SLC6A18: variants seen among roughly 807,000 people sequenced by gnomAD.
The protein encoded by SLC6A18 is solute carrier family 6 member 18.
Under a neutral mutation model 62.9 loss-of-function variants are expected in SLC6A18, and 58 were observed. That is an observed-to-expected ratio of 0.92 (90% CI 0.75 to 1.15). The LOEUF is 1.15. Among genes scored for constraint, SLC6A18 ranks in the 50% most tolerant of loss-of-function variants. The probability of loss-of-function intolerance (pLI) is 0.00; values close to 1 mark genes in which losing one functional copy is unlikely to be tolerated. For synonymous variants in SLC6A18, 382 were observed against 365.8 expected (o/e 1.04, Z -0.51); for missense variants, 793 against 836.6 (o/e 0.95, Z 0.64).
intron 11 of SLC6A18, 64 bp downstream of exon 11, chr5:1,244,831 G>A (rs1039635705): frequency 1.6e-5 from 24 of 1,505,742 alleles, no homozygotes; most frequent in South Asian, 7.8e-5. Context: ...TGGCCCCTAC[G>A]GTGCCATCCG....
intron 3 of SLC6A18, among the ~76,000 whole-genome samples, chr5:1,233,994 G>A (rs912156192): frequency 2.6e-5 from 4 of 152,138 alleles, no homozygotes; most frequent in East Asian, 1.9e-4. Flanking sequence ...GCCTGCCTCG[G>A]CCTCCCAAAG....
At position 1,243,475 on chromosome 5, in the gene SLC6A18, G is replaced by T; in HGVS notation, c.1132-80G>T. 6.7e-7 allele frequency: 1 copy of T among 1,495,120 alleles called. No individual in the cohort carries two copies. Among genetic ancestry groups the T allele is most frequent in the Non-Finnish European group, 9.2e-7 (1 of 1,091,376 alleles). 92.6% of individuals were successfully genotyped at this position (1,495,120 alleles called of 1,614,324 possible). Reference sequence around the variant, plus strand: ...ACTCGTGTCCTCGGCCTGGGAGAGTGTGTGTCCTGCAGGCAGGCGTGTGTG... The same window carrying T: ...ACTCGTGTCCTCGGCCTGGGAGAGTTTGTGTCCTGCAGGCAGGCGTGTGTG... On this transcript the variant is annotated intron_variant, in intron 8 of 11. Transcript: ENST00000324642. This position sits in a 1 kb window ranked among gnomAD's most constrained non-coding sequence, Gnocchi z 6.5.
chr5:1,234,191 G>A (rs998119544), intron 3 of SLC6A18, among the ~76,000 whole-genome samples: 96 of 152,168 alleles, frequency 6.3e-4, no homozygotes, highest in African/African-American at 2.1e-3. Flanking sequence ...ACTGACAGTC[G>A]TATCTTTCAA....
intron 6 of SLC6A18, among the ~76,000 whole-genome samples, chr5:1,239,827 A>C (rs1262389282): frequency 1.3e-5 from 2 of 152,220 alleles, no homozygotes; most frequent in Admixed American, 6.5e-5. Flanking sequence ...TGGGGCCATA[A>C]AAGCCTCAAT....
At chr5:1,242,361 G>A (rs552314776) in intron 7 of SLC6A18, among the ~76,000 whole-genome samples, 8 of 151,776 alleles carry the variant, frequency 5.3e-5, no homozygotes, top group African/African-American at 1.9e-4. Flanking sequence ...GGCAGGAGGC[G>A]TCCACACGAT....
chr5:1,240,488 T>C, intron 6 of SLC6A18, 43 bp from the exon 7 acceptor site: 1 of 1,610,352 alleles, frequency 6.2e-7, no homozygotes, highest in South Asian at 1.1e-5. Context: ...TGAGGCCCAG[T>C]TACCTCCTGC....
chr5:1,227,133 G>A lies in SLC6A18; in HGVS notation c.160+1496G>A, dbSNP rs1208429028. On this transcript the variant is annotated intron_variant, in intron 1 of 11. Transcript: ENST00000324642. ...GCCCGCCGACGCCTTGCCCGTCGATGCCTTGCCCGCCGATGACTTGCCCGC... is the reference window on the plus strand; with the variant it reads ...GCCCGCCGACGCCTTGCCCGTCGATACCTTGCCCGCCGATGACTTGCCCGC... Among the ~76,000 whole-genome samples, 7 of 150,230 alleles carry A rather than the reference G, an allele frequency of 4.7e-5. No individual in the cohort carries two copies. In the East Asian group the frequency reaches 1.2e-3, roughly 25 times the overall value.
chr5:1,239,640 CTG>C, intron 6 of SLC6A18, 78 bp downstream of exon 6: 1 of 1,131,596 alleles, frequency 8.8e-7, no homozygotes, highest in South Asian at 1.3e-5. Context: ...CAGGATCACA[CTG>C]TGGATCCAAG....
At chr5:1,226,956 A>AACGCCTTGCCCACCG (rs199538820) in intron 1 of SLC6A18, among the ~76,000 whole-genome samples, 4 of 109,686 alleles carry the variant, frequency 3.6e-5, no homozygotes, top group East Asian at 2.4e-4. Flanking sequence ...TGCCTTGCCC[A>AACGCCTTGCCCACCG]ACGCCTTGCC....
chr5:1,242,786 C>T lies in SLC6A18; in HGVS notation c.1054C>T (p.His352Tyr). The T allele has an allele frequency of 6.2e-7, 1 of 1,614,048 alleles. No individual in the cohort carries two copies. Among genetic ancestry groups the T allele is most frequent in the South Asian group, 1.1e-5 (1 of 91,060 alleles). Residue 352 changes from histidine (H) to tyrosine (Y), a missense_variant, in exon 8 of 12, where the codon CAC (histidine) becomes TAC (tyrosine). His to Tyr is a moderately conservative substitution (Grantham distance 83). Coordinates refer to ENST00000324642, the MANE Select transcript of SLC6A18 (RefSeq NM_182632.3). ...SRDDYPAVLM[H>Y]LNATWPKRVA... ...GGACGACTACCCAGCCGTCCTCATG[C>T]ACCTGAACGCCACCTGGCCCAAGAG...
At chr5:1,234,396 G>A (rs1166250871) in intron 3 of SLC6A18, among the ~76,000 whole-genome samples, 2 of 152,174 alleles carry the variant, frequency 1.3e-5, no homozygotes, top group Non-Finnish European at 2.9e-5. Flanking sequence ...ACCTCTCTGA[G>A]GGTGGGTGGT....
chr5:1,244,944 CTTTGTGCAGCG>C (rs899783293), intron 11 of SLC6A18, among the ~76,000 whole-genome samples, 177 bp downstream of exon 11: 1 of 67,790 alleles, frequency 1.5e-5, no homozygotes, highest in African/African-American at 1.1e-4. Flanking sequence ...ACAGGATGGG[CTTTGTGCAGCG>C]CCCGAGTGCC....
At chr5:1,235,719 T>A (rs144921488) in intron 4 of SLC6A18, 57 bp downstream of exon 4, 1 of 1,571,372 alleles carries the variant, frequency 6.4e-7, no homozygotes, top group Non-Finnish European at 8.7e-7. Context: ...CCAAGACCCC[T>A]CCCCATTGAC....
chr5:1,238,380 G>GAGGA (rs1561178820), intron 5 of SLC6A18, among the ~76,000 whole-genome samples: 28 of 112,928 alleles, frequency 2.5e-4, no homozygotes, highest in African/African-American at 6.6e-4. Context: ...TGGGCCTGGG[G>GAGGA]CCTCAGGAAA....
chr5:1,235,761 G>A (rs1259537280), intron 4 of SLC6A18, 99 bp downstream of exon 4: 19 of 1,245,712 alleles, frequency 1.5e-5, no homozygotes, highest in Non-Finnish European at 2.0e-5. Context: ...AAGCTCTTGC[G>A]AGGGGCATAA....
intron 10 of SLC6A18, 81 bp downstream of exon 10, chr5:1,244,454 C>G: frequency 6.3e-7 from 1 of 1,577,570 alleles, no homozygotes; most frequent in Non-Finnish European, 8.6e-7. Flanking sequence ...AGGTTCAACC[C>G]GCAGCTGCCC....
intron 11 of SLC6A18, 81 bp from the exon 12 acceptor site, chr5:1,245,767 G>A: frequency 7.0e-7 from 1 of 1,418,806 alleles, no homozygotes. Context: ...GGTGGCTCTT[G>A]CCCCTTGGAT....
At chr5:1,238,412 C>T (rs56068884) in intron 5 of SLC6A18, among the ~76,000 whole-genome samples, 5 of 85,334 alleles carry the variant, frequency 5.9e-5, no homozygotes, top group African/African-American at 4.0e-4. Context: ...TGGAGTGGGC[C>T]TGGGGCCTCA....
In SLC6A18 at chr5:1,237,816, C is replaced by T. The variant is rs778636616; in HGVS notation, c.622-134C>T. On this transcript the variant is annotated intron_variant, in intron 4 of 11. Transcript: ENST00000324642. Reference sequence around the variant, plus strand: ...CCATCCCCCAAGGTGCACCCCCATCCGTCCTGGTCAATCCCATACCAGAGG... The same window carrying T: ...CCATCCCCCAAGGTGCACCCCCATCTGTCCTGGTCAATCCCATACCAGAGG... 6.9e-5 allele frequency: 46 copies of T among 671,280 alleles called. No individual in the cohort carries two copies. In the Middle Eastern group the frequency reaches 9.5e-4, roughly 14 times the overall value. The allele number at this position is 671,280 out of a possible 1,614,324, so 41.6% of individuals were successfully genotyped here.
Sources: gnomAD v4.1 joint callset for allele counts (sites outside exome capture counted in the v4.1 genomes callset) on GRCh38, gnomAD v4.1.1 for gene constraint, Gnocchi (gnomAD v3.1) non-coding constraint, MANE v1.5 for transcripts, NCBI Gene and HGNC (gene_info 2026-07-23, HGNC 2026-07-21) for gene names.